The following SPATA17 variants were observed in gnomAD, a reference collection of about 807,000 sequenced individuals.
The protein encoded by SPATA17 is spermatogenesis-associated protein 17.
Under a neutral mutation model 62.2 loss-of-function variants are expected in SPATA17, and 53 were observed. The observed-to-expected ratio is 0.85, with a 90% CI of 0.68 to 1.07. SPATA17 has a LOEUF of 1.07. SPATA17 is among the 50% of genes least tolerant of loss of function. The pLI, the probability that SPATA17 is intolerant of heterozygous loss-of-function variation, is 0.00. For synonymous variants in SPATA17, 146 were observed against 146.8 expected, an observed-to-expected ratio of 0.99 and a Z score of 0.04; for missense variants, 466 against 425.5, an observed-to-expected ratio of 1.10 and a Z score of -0.84.
At chr1:217,746,277 G>C (rs1384000942) in intron 6 of SPATA17, among the ~76,000 whole-genome samples, 1 of 151,846 alleles carries the variant, frequency 6.6e-6, no homozygotes, top group African/African-American at 2.4e-5. Context: ...ACCAGGATAG[G>C]AAAAGCTTTA....
intron 9 of SPATA17, among the ~76,000 whole-genome samples, chr1:217,848,236 C>G (rs184260215): frequency 6.6e-6 from 1 of 152,044 alleles, no homozygotes; most frequent in African/African-American, 2.4e-5. Flanking sequence ...TCACTCTTTC[C>G]CTACATGTCC....
chr1:217,649,031 T>C, intron 2 of SPATA17, 60 bp downstream of exon 2: 2 of 1,203,584 alleles, frequency 1.7e-6, no homozygotes, highest in Non-Finnish European at 2.4e-6. Flanking sequence ...CCTTAGAAAA[T>C]GTAATTTATT....
chr1:217,704,519 G>T, intron 5 of SPATA17, among the ~76,000 whole-genome samples: 2 of 151,598 alleles, frequency 1.3e-5, no homozygotes, highest in Non-Finnish European at 2.9e-5. Flanking sequence ...CAAAGTGCTG[G>T]GATTACAGGC....
intron 8 of SPATA17, among the ~76,000 whole-genome samples, chr1:217,795,532 G>A (rs534863718): frequency 6.6e-6 from 1 of 151,830 alleles, no homozygotes; most frequent in East Asian, 1.9e-4. Flanking sequence ...ACTACACCTG[G>A]CTAATTTTTG....
intron 5 of SPATA17, among the ~76,000 whole-genome samples, chr1:217,707,462 G>A (rs1671762372): frequency 6.6e-6 from 1 of 152,138 alleles, no homozygotes. Flanking sequence ...CCAGTACTAT[G>A]TTGAGTAGGA....
At chr1:217,752,228 GT>G (rs1672930821) in intron 6 of SPATA17, among the ~76,000 whole-genome samples, 1 of 151,970 alleles carries the variant, frequency 6.6e-6, no homozygotes, top group African/African-American at 2.4e-5. Flanking sequence ...GGGTCTTGCT[GT>G]GTTGCCCAGG....
intron 6 of SPATA17, among the ~76,000 whole-genome samples, chr1:217,767,332 C>T (rs897003775): frequency 6.6e-6 from 1 of 151,994 alleles, no homozygotes; most frequent in Non-Finnish European, 1.5e-5. Context: ...AATTTGCCTA[C>T]TGTGGTTTTG....
chr1:217,719,417 T>C (rs1440728384), intron 5 of SPATA17, among the ~76,000 whole-genome samples: 1 of 152,200 alleles, frequency 6.6e-6, no homozygotes, highest in Non-Finnish European at 1.5e-5. Context: ...TTTAATTTAG[T>C]TGACAGATAA....
intron 9 of SPATA17, among the ~76,000 whole-genome samples, chr1:217,853,910 A>G (rs1241289642): frequency 6.6e-6 from 1 of 152,182 alleles, no homozygotes; most frequent in Non-Finnish European, 1.5e-5. Flanking sequence ...AGGGTTATTA[A>G]AAGAAAAACT....
At chr1:217,672,068 T>A (rs778447817) in intron 4 of SPATA17, among the ~76,000 whole-genome samples, 6 of 152,118 alleles carry the variant, frequency 3.9e-5, no homozygotes, top group Non-Finnish European at 7.4e-5. Flanking sequence ...CTCCAGCCAA[T>A]TTATTTGTAA....
intron 9 of SPATA17, among the ~76,000 whole-genome samples, chr1:217,847,113 A>G (rs1675547284): frequency 6.6e-6 from 1 of 151,994 alleles, no homozygotes; most frequent in South Asian, 2.1e-4. Flanking sequence ...TAAGGAGGCA[A>G]CAATCGTTTA....
intron 10 of SPATA17, among the ~76,000 whole-genome samples, chr1:217,865,608 T>C (rs552791759): frequency 1.3e-5 from 2 of 152,336 alleles, no homozygotes; most frequent in East Asian, 1.9e-4. Context: ...ATCAGTGTGT[T>C]GTGTCCTGTC....
At position 217,631,459 on chromosome 1, in the gene SPATA17, G is replaced by A. The variant is rs772946412; in HGVS notation, c.68+13G>A. ...ACTTTAGGAACAGGTAAGTCAGGAA[G>A]AGAAGGATCGCGTAAAGGGCGGGCG... is the stretch of plus-strand genomic sequence containing the variant. On this transcript the variant is annotated intron_variant, in intron 1 of 10. Transcript: ENST00000366933. The A allele has an allele frequency of 3.1e-6, 5 of 1,614,048 alleles. No homozygotes were observed. In the South Asian group the frequency reaches 4.4e-5, roughly 14 times the overall value.
chr1:217,855,884 G>C (rs1026167290), intron 9 of SPATA17, among the ~76,000 whole-genome samples: 1 of 151,780 alleles, frequency 6.6e-6, no homozygotes, highest in African/African-American at 2.4e-5. Context: ...GTGCCACCAA[G>C]TCCAGCTAAT....
At chr1:217,856,655 C>A (rs1159201954) in intron 9 of SPATA17, among the ~76,000 whole-genome samples, 1 of 152,158 alleles carries the variant, frequency 6.6e-6, no homozygotes, top group Non-Finnish European at 1.5e-5. Context: ...ATAATAAATC[C>A]TAAATCTCTG....
At position 217,654,925 on chromosome 1, in the gene SPATA17, T is replaced by A. The variant is rs1049956275; in HGVS notation, c.240+3747T>A. 9.2e-5 allele frequency among the ~76,000 whole-genome samples: 14 copies of A among 152,158 alleles called. No homozygotes were observed. In the South Asian group the frequency reaches 2.9e-3, roughly 32 times the overall value. Reference sequence around the variant, plus strand: ...ATGGGGTTTTGCCGTGTTAGCCAGATGGTCTCAATCTCCTGACCTTGTGAT... The same window carrying A: ...ATGGGGTTTTGCCGTGTTAGCCAGAAGGTCTCAATCTCCTGACCTTGTGAT... On this transcript the variant is annotated intron_variant, in intron 3 of 10. Transcript: ENST00000366933.
intron 9 of SPATA17, among the ~76,000 whole-genome samples, chr1:217,855,515 A>G (rs1675760548): frequency 6.6e-6 from 1 of 152,172 alleles, no homozygotes; most frequent in African/African-American, 2.4e-5. Context: ...ATCTGTTTCT[A>G]TAATTAAATC....
chr1:217,785,296 C>G (rs1411244910), intron 8 of SPATA17, among the ~76,000 whole-genome samples: 1 of 152,084 alleles, frequency 6.6e-6, no homozygotes, highest in Non-Finnish European at 1.5e-5. Context: ...CTATGAAGAG[C>G]TACCTGAGAC....
chr1:217,652,269 T>C (rs1252676411), intron 3 of SPATA17, among the ~76,000 whole-genome samples: 1 of 152,244 alleles, frequency 6.6e-6, no homozygotes, highest in Admixed American at 6.5e-5. Flanking sequence ...TCTCACTCTC[T>C]TCCCCAGGCT....
Sources: gnomAD v4.1 joint callset for allele counts (sites outside exome capture counted in the v4.1 genomes callset) on GRCh38, gnomAD v4.1.1 for gene constraint, MANE v1.5 for transcripts, NCBI Gene and HGNC (gene_info 2026-07-23, HGNC 2026-07-21) for gene names.